Variants in TNRC6C observed in about 807,000 individuals in gnomAD.
TNRC6C encodes the protein trinucleotide repeat-containing gene 6C protein.
TNRC6C carries 20 observed loss-of-function variants against 153.7 expected under a neutral mutation model. The ratio of observed to expected loss-of-function variants is 0.13; its 90% confidence interval spans 0.09 to 0.19. TNRC6C has a LOEUF of 0.19. Ranked by LOEUF, TNRC6C falls within the 10% of genes least tolerant of loss-of-function variation. The pLI, the probability that TNRC6C is intolerant of heterozygous loss-of-function variation, is 1.00. For synonymous variants in TNRC6C, 811 were observed against 841.4 expected, an observed-to-expected ratio of 0.96 and a Z score of 0.63; for missense variants, 1,987 against 2,172.0, an observed-to-expected ratio of 0.91 and a Z score of 1.69.
At position 78,049,003 on chromosome 17, in the gene TNRC6C, G is replaced by T; in HGVS notation, c.-60G>T. 1.4e-6 allele frequency: 2 copies of T among 1,425,696 alleles called. No homozygotes were observed. The highest frequency in any genetic ancestry group is 1.4e-5 in the African/African-American group (1 of 69,756). The allele number at this position is 1,425,696 out of a possible 1,614,324, so 88.3% of individuals were successfully genotyped here. ...CATCACAGGAACAGAGACTGAATCT[G>T]CCTCAGAATGTACTACAGACACTGA... On this transcript the variant is annotated 5_prime_UTR_variant, in exon 3 of 20. Coordinates refer to ENST00000301624, the Ensembl canonical transcript of TNRC6C. This position sits in a 1 kb window ranked among gnomAD's most constrained non-coding sequence, Gnocchi z 4.1.
chr17:78,035,080 A>G (rs941737456), intron 2 of TNRC6C, among the ~76,000 whole-genome samples: 1 of 152,208 alleles, frequency 6.6e-6, no homozygotes, highest in Non-Finnish European at 1.5e-5. Context: ...TCTCATCTAA[A>G]ATGAGAGGTT....
exon 19 of TNRC6C, chr17:78,103,434 G>T (rs1214532963): frequency 1.2e-6 from 2 of 1,613,906 alleles, no homozygotes; most frequent in African/African-American, 1.3e-5. Flanking sequence ...CTACACTGCG[G>T]ACATTGTGTT....
chr17:78,057,014 G>A (rs2072672124), intron 3 of TNRC6C, among the ~76,000 whole-genome samples: 1 of 152,112 alleles, frequency 6.6e-6, no homozygotes, highest in African/African-American at 2.4e-5. Flanking sequence ...GTGCATGCGT[G>A]TGCTCTTTGT....
At chr17:77,990,551 C>G (rs1224068981) in intron 1 of TNRC6C, among the ~76,000 whole-genome samples, 1 of 151,888 alleles carries the variant, frequency 6.6e-6, no homozygotes, top group Non-Finnish European at 1.5e-5. Context: ...CACCAGGTCT[C>G]CTTCAGAACT....
chr17:78,073,165 G>A (rs1257697466), intron 7 of TNRC6C, 71 bp downstream of exon 9: 7 of 1,351,338 alleles, frequency 5.2e-6, no homozygotes, highest in African/African-American at 4.4e-5. Flanking sequence ...GCATTTGATT[G>A]TAGTCATGGT....
At chr17:78,098,587 A>G (rs1039822311) in intron 17 of TNRC6C, 50 bp downstream of exon 20, 10 of 1,563,392 alleles carry the variant, frequency 6.4e-6, no homozygotes, top group Non-Finnish European at 7.8e-6. Flanking sequence ...CCTTTAGGGG[A>G]TGTGCTTATC....
chr17:77,997,728 C>G (rs2071350326), intron 1 of TNRC6C, among the ~76,000 whole-genome samples: 1 of 152,056 alleles, frequency 6.6e-6, no homozygotes, highest in Non-Finnish European at 1.5e-5. Flanking sequence ...GCGATCTCAG[C>G]TCACTGCAAG....
chr17:78,007,276 G>C (rs1239684421), intron 1 of TNRC6C, among the ~76,000 whole-genome samples: 1 of 152,154 alleles, frequency 6.6e-6, no homozygotes, highest in African/African-American at 2.4e-5. Flanking sequence ...ATGGGTTGTA[G>C]TAATAATTAA....
chr17:78,056,158 C>CT (rs879621792), intron 3 of TNRC6C, among the ~76,000 whole-genome samples: 2,339 of 143,174 alleles, frequency 0.016, 60 homozygotes, highest in African/African-American at 0.051. Context: ...CCAGAAACTA[C>CT]TTTTTTTTTT....
intron 1 of TNRC6C, among the ~76,000 whole-genome samples, chr17:77,961,276 C>T (rs2070860089): frequency 6.6e-6 from 1 of 152,138 alleles, no homozygotes. Flanking sequence ...TTGCCTCACC[C>T]TCCCGAGTAG....
upstream of TNRC6C, among the ~76,000 whole-genome samples, chr17:77,999,844 G>A (rs1219014456): frequency 6.6e-6 from 1 of 152,210 alleles, no homozygotes; most frequent in Non-Finnish European, 1.5e-5. Flanking sequence ...CAGCAGGGAA[G>A]AGGGAGACTC....
In TNRC6C at chr17:78,077,336, T is replaced by TAAGG. The variant is rs566565579; in HGVS notation, c.3210+3_3210+6dup. 2.5e-5 allele frequency: 39 copies of TAAGG among 1,570,214 alleles called. No homozygotes were observed. The African/African-American group carries it at 4.9e-4, about 20-fold the overall frequency. On this transcript the variant is annotated splice_region_variant and intron_variant, in intron 9 of 19. Transcript: ENST00000301624. ...CAAAACTTGAATTCTTCTAGACAGG[T>TAAGG]AAGGCTGTTTGGAGAGAGCAAAACA...
chr17:78,051,514 A>G, intron 3 of TNRC6C, 66 bp downstream of exon 5: 1 of 1,343,326 alleles, frequency 7.4e-7, no homozygotes, highest in South Asian at 2.0e-5. Flanking sequence ...TTCTCATTAT[A>G]TATTCATGAA....
At chr17:77,980,260 T>C (rs60607344) in intron 1 of TNRC6C, among the ~76,000 whole-genome samples, 1,740 of 152,292 alleles carry the variant, frequency 0.011, 39 homozygotes, top group African/African-American at 0.038. Flanking sequence ...ATCCTGCGCA[T>C]GTACCTGGAA....
chr17:77,974,823 G>A (rs966648385), intron 1 of TNRC6C, among the ~76,000 whole-genome samples: 2 of 152,142 alleles, frequency 1.3e-5, no homozygotes, highest in African/African-American at 2.4e-5. Context: ...AGAGTTCACC[G>A]AGGAGAAAAC....
At chr17:78,002,463 C>T (rs2071427159), upstream of TNRC6C, among the ~76,000 whole-genome samples, 1 of 152,192 alleles carries the variant, frequency 6.6e-6, no homozygotes. Context: ...AGATGTTCAT[C>T]TTGTCAAATT....
At chr17:78,029,657 T>G (rs2072020674) in intron 1 of TNRC6C, among the ~76,000 whole-genome samples, 3 of 152,238 alleles carry the variant, frequency 2.0e-5, no homozygotes, top group African/African-American at 7.2e-5. Flanking sequence ...TTAATTTTTT[T>G]AAGAGTTTTC....
chr17:78,012,272 A>G (rs1414287228), intron 1 of TNRC6C, among the ~76,000 whole-genome samples: 1 of 152,236 alleles, frequency 6.6e-6, no homozygotes, highest in African/African-American at 2.4e-5. Context: ...GTTAATAAAT[A>G]CCTGTTAGAT....
chr17:78,038,080 A>G (rs1339218769), intron 2 of TNRC6C, among the ~76,000 whole-genome samples: 1 of 152,218 alleles, frequency 6.6e-6, no homozygotes, highest in Non-Finnish European at 1.5e-5. Flanking sequence ...AGACAAATAT[A>G]AGAACTACAG....
Sources: gnomAD v4.1 joint callset for allele counts (sites outside exome capture counted in the v4.1 genomes callset) on GRCh38, gnomAD v4.1.1 for gene constraint, Gnocchi (gnomAD v3.1) non-coding constraint, MANE v1.5 for transcripts, NCBI Gene and HGNC (gene_info 2026-07-23, HGNC 2026-07-21) for gene names.